MYO9A: variants seen among roughly 807,000 people sequenced by gnomAD.
MYO9A encodes unconventional myosin-IXa.
MYO9A carries 103 observed loss-of-function variants against 293.3 expected under a neutral mutation model. The ratio of observed to expected loss-of-function variants is 0.35; its 90% CI spans 0.30 to 0.41. The LOEUF (loss-of-function observed/expected upper bound fraction) is 0.41. Ranked by LOEUF, MYO9A falls within the 10% of genes least tolerant of loss-of-function variation. MYO9A has a pLI of 1.00. For synonymous variants in MYO9A, 1,001 were observed against 1,035.7 expected (o/e 0.97, Z 0.64); for missense variants, 2,685 against 3,033.0 (o/e 0.89, Z 2.69).
chr15:71,991,519 C>T (rs541634158), intron 10 of MYO9A, among the ~76,000 whole-genome samples: 1 of 152,156 alleles, frequency 6.6e-6, no homozygotes, highest in East Asian at 1.9e-4. Context: ...TAAGAAACCT[C>T]AGAAATCCCT....
intron 1 of MYO9A, among the ~76,000 whole-genome samples, chr15:72,067,306 T>C (rs2079050845): frequency 6.6e-6 from 1 of 151,890 alleles, no homozygotes; most frequent in South Asian, 2.1e-4. Flanking sequence ...AATTAATTAA[T>C]TTATTTCATT....
intron 1 of MYO9A, among the ~76,000 whole-genome samples, chr15:72,103,520 G>A (rs1009556436): frequency 6.6e-6 from 1 of 151,188 alleles, no homozygotes; most frequent in Non-Finnish European, 1.5e-5. Flanking sequence ...AGAAGCAGCA[G>A]AAGCAGTGGA....
rs1174779116 is a variant in MYO9A, at chr15:71,949,020, GAAGTC to G, written c.2302+2752_2302+2756del. On this transcript the variant is annotated intron_variant, in intron 15 of 41. Transcript: ENST00000356056. ...TTTTGGCCTCCATTATTTTTACTGA[GAAGTC>G]AAGTGTTAATTATCTCATTATTCCC... Among the ~76,000 whole-genome samples the G allele has an allele frequency of 3.3e-5, 5 of 152,008 alleles. No individual in the cohort carries two copies. In the East Asian group the frequency reaches 5.8e-4, roughly 18 times the overall value.
intron 2 of MYO9A, 25 bp downstream of exon 2, chr15:72,045,698 CA>C: frequency 6.5e-7 from 1 of 1,538,528 alleles, no homozygotes; most frequent in Non-Finnish European, 8.7e-7. Context: ...AAATTAAAAT[CA>C]AAAATAAGAT....
At position 71,875,808 on chromosome 15, in the gene MYO9A, T is replaced by C. The variant is rs776372613; in HGVS notation, c.5962A>G (p.Lys1988Glu). ...VPKTERKKRR[K>E]KETDLVEEHN... ...TAACTTACCAAATCAGTTTCCTTTT[T>C]CCTTCTTTTCTTTCTTTCTGTTTTT... Residue 1988 changes from lysine to glutamate, a missense_variant, in exon 32 of 42, where the codon AAA becomes GAA. By Grantham distance (56) the Lys-to-Glu change is moderately conservative. Transcript: ENST00000356056. 6 of 1,373,392 alleles carry C rather than the reference T, an allele frequency of 4.4e-6. No individual in the cohort carries two copies. The highest frequency in any genetic ancestry group is 5.7e-6 in the Non-Finnish European group (6 of 1,057,070). The allele number at this position is 1,373,392 out of a possible 1,614,324, so 85.1% of individuals were successfully genotyped here.
intron 3 of MYO9A, among the ~76,000 whole-genome samples, chr15:72,030,152 A>C (rs2077817015): frequency 6.6e-6 from 1 of 152,186 alleles, no homozygotes; most frequent in East Asian, 1.9e-4. Context: ...CTTTTTCTGA[A>C]TTACCATTGC....
chr15:71,852,658 C>T (rs1220047256), intron 35 of MYO9A, among the ~76,000 whole-genome samples: 2 of 151,948 alleles, frequency 1.3e-5, no homozygotes, highest in Admixed American at 1.3e-4. Context: ...CCACCATGCC[C>T]GGCCGGCTTC....
chr15:72,046,111 T>C lies in MYO9A; in HGVS notation c.453A>G (p.Leu151=), dbSNP rs1566980091. The C allele has an allele frequency of 6.2e-7, 1 of 1,614,180 alleles. No individual in the cohort carries two copies. The change falls in exon 2 of 42, where the codon TTA becomes TTG. Residue 151 remains leucine, a synonymous_variant. Transcript: ENST00000356056. ...TCTCATTCAAATCAGGTAAACTACATAAATCATCAAAGTCTTTCTGTTGAG... is the reference window on the plus strand; with the variant it reads ...TCTCATTCAAATCAGGTAAACTACACAAATCATCAAAGTCTTTCTGTTGAG... The part of the protein sequence containing the change: ...PQPQQKDFDD[L]CSLPDLNEKT...
upstream of MYO9A, chr15:72,118,223 T>G (rs2081079822): frequency 3.0e-6 from 1 of 334,128 alleles, no homozygotes; most frequent in South Asian, 1.7e-4. Flanking sequence ...GTGACGCCAC[T>G]GGAGAGTACA....
At chr15:71,892,944 C>A in intron 26 of MYO9A, 1 of 1,223,844 alleles carries the variant, frequency 8.2e-7, no homozygotes, top group Non-Finnish European at 1.0e-6. Flanking sequence ...TGCTATTTTT[C>A]TTATATTGCT....
intron 1 of MYO9A, among the ~76,000 whole-genome samples, chr15:72,085,591 G>A (rs1567024185): frequency 2.0e-5 from 3 of 151,944 alleles, no homozygotes; most frequent in African/African-American, 7.3e-5. Context: ...TATGATCTTC[G>A]TTCCTATCCA....
Position 71,898,106 on chromosome 15 carries a change from T to C in MYO9A, c.4397A>G (p.Tyr1466Cys). 6.2e-7 allele frequency: 1 copy of C among 1,614,178 alleles called. No individual in the cohort carries two copies. The highest frequency in any genetic ancestry group is 8.5e-7 in the Non-Finnish European group (1 of 1,180,034). Residue 1466 changes from tyrosine to cysteine, a missense_variant, in exon 25 of 42, where the codon TAT becomes TGT. Tyr to Cys is a radical substitution (Grantham distance 194, BLOSUM62 -2). Around this residue, in one of 10 missense-constraint regions of MYO9A, gnomAD observed 1,434 missense variants for 1,497.7 expected, o/e 0.96. Transcript: ENST00000356056. ...TLDINRETRR[Y>C]HCSGKDQIVP... ...AATCTGATCTTTTCCTGAGCAGTGA[T>C]ACCTTCTAGTTTCCCTGTTGATATC... is the stretch of plus-strand genomic sequence containing the variant.
intron 1 of MYO9A, among the ~76,000 whole-genome samples, chr15:72,070,300 A>AAAAACTACC (rs796468292): frequency 9.3e-5 from 14 of 151,232 alleles, no homozygotes; most frequent in African/African-American, 3.2e-4. Flanking sequence ...AAAAAAAACA[A>AAAAACTACC]AAAACTACCC....
intron 2 of MYO9A, among the ~76,000 whole-genome samples, chr15:72,035,612 G>T (rs1394514350): frequency 1.3e-5 from 2 of 152,162 alleles, no homozygotes; most frequent in Non-Finnish European, 2.9e-5. Flanking sequence ...AGACCATCCT[G>T]TGCAACATAG....
In MYO9A at chr15:71,902,931, TTA is replaced by T. The variant is rs2057526186; in HGVS notation, c.3000+8_3000+9del. 6.4e-7 allele frequency: 1 copy of T among 1,561,880 alleles called. No individual in the cohort carries two copies. Among genetic ancestry groups the T allele is most frequent in the African/African-American group, 1.4e-5 (1 of 73,064 alleles). ...TCAATTTTGACCAGAGCTATACAGA[TTA>T]TATTTACCATGGTTTTTCCAACTTG... is the stretch of plus-strand genomic sequence containing the variant. On this transcript the variant is annotated splice_region_variant and intron_variant, in intron 22 of 41. Transcript: ENST00000356056.
Position 71,827,011 on chromosome 15 carries a change from C to G in MYO9A, c.7216G>C (p.Ala2406Pro), listed in dbSNP as rs181916530. ...RSLALSSLKT[A>P]GKSEPSSKLR... ...TTGCTGGAAGGTTCAGACTTGCCAG[C>G]TGTCTTCAGGGAGCTAAGGGCTAAG... The change falls in exon 42 of 42, where the codon GCT becomes CCT. Residue 2406 changes from alanine to proline, a missense_variant. Physicochemically the swap from Ala to Pro is conservative, Grantham distance 27 (BLOSUM62 -1). Coordinates refer to ENST00000356056, the MANE Select transcript of MYO9A (RefSeq NM_006901.4). 21 of 1,605,010 alleles carry G rather than the reference C, an allele frequency of 1.3e-5. No homozygotes were observed. The highest frequency in any genetic ancestry group is 3.3e-4 in the Middle Eastern group (2 of 5,982).
rs534006275 is a variant in MYO9A at position 71,979,926 on chromosome 15, T to C, written c.1723-1634A>G. 5.3e-5 allele frequency among the ~76,000 whole-genome samples: 8 copies of C among 152,342 alleles called. No homozygotes were observed. In the South Asian group the frequency reaches 1.7e-3, roughly 32 times the overall value. ...GTTCCAGGTGATGCTGATGCTATTA[T>C]TGAGGAGAGAGAAGGAATAAACTTT... On this transcript the variant is annotated intron_variant, in intron 11 of 41. Coordinates refer to ENST00000356056, the MANE Select transcript of MYO9A (RefSeq NM_006901.4).
intron 4 of MYO9A, 21 bp from the exon 5 acceptor site, chr15:72,021,038 CA>C: frequency 6.8e-7 from 1 of 1,462,518 alleles, no homozygotes. Context: ...CAAAGAAGTA[CA>C]AGTTTCATAA....
At chr15:71,999,724 T>C (rs183741677) in intron 9 of MYO9A, 127 bp downstream of exon 9, 1 of 629,734 alleles carries the variant, frequency 1.6e-6, no homozygotes, top group Admixed American at 3.3e-5. Flanking sequence ...TGTAAAGGCC[T>C]AGAAAATATT....
Sources: gnomAD v4.1 joint callset for allele counts (sites outside exome capture counted in the v4.1 genomes callset) on GRCh38, gnomAD v4.1.1 for gene constraint, gnomAD v4.1.1 regional missense constraint, MANE v1.5 for transcripts, NCBI Gene and HGNC (gene_info 2026-07-23, HGNC 2026-07-21) for gene names.